The following FSTL4 variants were observed in gnomAD, a reference collection of about 807,000 sequenced individuals.
FSTL4 encodes follistatin-related protein 4.
FSTL4 carries 28 observed loss-of-function variants against 78.2 expected under a neutral mutation model. The observed-to-expected ratio is 0.36, with a 90% CI of 0.27 to 0.49. The LOEUF (loss-of-function observed/expected upper bound fraction) is 0.49, where lower values mean the gene tolerates loss of function less well. Ranked by LOEUF, FSTL4 falls within the 20% of genes least tolerant of loss-of-function variation. The pLI, the probability that FSTL4 is intolerant of heterozygous loss-of-function variation, is 0.98. For synonymous variants in FSTL4, 422 were observed against 440.5 expected, an observed-to-expected ratio of 0.96 and a Z score of 0.53; for missense variants, 922 against 1,084.9, an observed-to-expected ratio of 0.85 and a Z score of 2.11.
intron 14 of FSTL4, among the ~76,000 whole-genome samples, chr5:133,206,539 T>G (rs1750511615): frequency 6.6e-6 from 1 of 151,882 alleles, no homozygotes; most frequent in Admixed American, 6.6e-5. Flanking sequence ...TTTTTGTATT[T>G]TTAGTAGAGA....
At chr5:133,582,866 G>T (rs1399279125) in intron 2 of FSTL4, among the ~76,000 whole-genome samples, 1 of 152,110 alleles carries the variant, frequency 6.6e-6, no homozygotes, top group Non-Finnish European at 1.5e-5. Flanking sequence ...TGCCCTTTGA[G>T]ATGCCCTCCT....
upstream of FSTL4, among the ~76,000 whole-genome samples, chr5:133,613,262 A>ACGG (rs1296952730): frequency 6.6e-6 from 1 of 152,216 alleles, no homozygotes; most frequent in Non-Finnish European, 1.5e-5. Flanking sequence ...TGTAACAACT[A>ACGG]GGGGCCCATA....
chr5:133,652,051 A>T, the FSTL4 span, among the ~76,000 whole-genome samples: 1 of 152,120 alleles, frequency 6.6e-6, no homozygotes, highest in Non-Finnish European at 1.5e-5. Context: ...AGAGTTGTTC[A>T]TAGTATTCCT....
At chr5:133,503,324 G>A (rs564630859) in intron 3 of FSTL4, among the ~76,000 whole-genome samples, 113 of 152,328 alleles carry the variant, frequency 7.4e-4, no homozygotes, top group Non-Finnish European at 1.3e-3. Context: ...ACCTTGATTA[G>A]TAGAATTTGA....
the FSTL4 span, among the ~76,000 whole-genome samples, chr5:133,657,284 G>T: frequency 6.6e-6 from 1 of 152,132 alleles, no homozygotes; most frequent in East Asian, 1.9e-4. Flanking sequence ...CAAGAAGGAT[G>T]GTGGACTTAG....
At chr5:133,410,380 G>T (rs2126979324) in intron 3 of FSTL4, among the ~76,000 whole-genome samples, 1 of 152,286 alleles carries the variant, frequency 6.6e-6, no homozygotes, top group South Asian at 2.1e-4. Context: ...TTGGAGCCAA[G>T]GGGACCAGAT....
intron 8 of FSTL4, among the ~76,000 whole-genome samples, chr5:133,226,436 A>G (rs906036932): frequency 5.9e-5 from 9 of 152,124 alleles, no homozygotes; most frequent in African/African-American, 2.2e-4. Flanking sequence ...TCACCAGACG[A>G]GCATGGGTGG....
the FSTL4 span, among the ~76,000 whole-genome samples, chr5:133,714,706 C>T: frequency 6.6e-6 from 1 of 152,208 alleles, no homozygotes; most frequent in African/African-American, 2.4e-5. Flanking sequence ...CCATATGCCT[C>T]CCCTGCTCTG....
chr5:133,724,280 T>G, the FSTL4 span, among the ~76,000 whole-genome samples: 1 of 152,166 alleles, frequency 6.6e-6, no homozygotes, highest in Non-Finnish European at 1.5e-5. Context: ...TGCTTATCTT[T>G]TCCCTGCAGA....
At chr5:133,778,928 C>T in the FSTL4 span, among the ~76,000 whole-genome samples, 1 of 152,050 alleles carries the variant, frequency 6.6e-6, no homozygotes, top group South Asian at 2.1e-4. Context: ...GCTGGGACAA[C>T]GTACAAAGTG....
intron 8 of FSTL4, among the ~76,000 whole-genome samples, chr5:133,227,532 A>G (rs958938156): frequency 6.6e-6 from 1 of 152,332 alleles, no homozygotes; most frequent in East Asian, 1.9e-4. Flanking sequence ...AGAGAGAACC[A>G]GGAGTACTGG....
chr5:133,396,479 T>G (rs1378361696), intron 4 of FSTL4, among the ~76,000 whole-genome samples: 1 of 152,162 alleles, frequency 6.6e-6, no homozygotes, highest in Non-Finnish European at 1.5e-5. Context: ...TCCAGCAGAG[T>G]TACACTAAAT....
At chr5:133,577,055 T>G (rs6869265) in intron 2 of FSTL4, among the ~76,000 whole-genome samples, 1 of 152,036 alleles carries the variant, frequency 6.6e-6, no homozygotes, top group Non-Finnish European at 1.5e-5. Flanking sequence ...GTGCACACAG[T>G]AAGAGTTTTG....
intron 6 of FSTL4, among the ~76,000 whole-genome samples, chr5:133,308,989 G>C (rs1753716012): frequency 6.6e-6 from 1 of 152,326 alleles, no homozygotes; most frequent in South Asian, 2.1e-4. Flanking sequence ...AAAAGCAGAA[G>C]AAACTTGCAA....
At chr5:133,463,206 T>C (rs77011796) in intron 3 of FSTL4, among the ~76,000 whole-genome samples, 1 of 152,314 alleles carries the variant, frequency 6.6e-6, no homozygotes, top group African/African-American at 2.4e-5. Context: ...CAAATTTTAG[T>C]CAGGCTTTTT....
intron 6 of FSTL4, among the ~76,000 whole-genome samples, chr5:133,274,186 C>T (rs1752827716): frequency 1.3e-5 from 2 of 152,102 alleles, no homozygotes. Context: ...CTGGTGACAG[C>T]AGCCAAAGGT....
intron 3 of FSTL4, among the ~76,000 whole-genome samples, chr5:133,445,001 T>A (rs1303945350): frequency 6.6e-6 from 1 of 152,162 alleles, no homozygotes; most frequent in Non-Finnish European, 1.5e-5. Flanking sequence ...GCCTCCAAGC[T>A]GGGCGCAGAT....
At chr5:133,807,872 G>A in the FSTL4 span, among the ~76,000 whole-genome samples, 3 of 152,206 alleles carry the variant, frequency 2.0e-5, no homozygotes, top group African/African-American at 7.2e-5. Context: ...TTACGATGGT[G>A]CCTTCTGGGA....
At chr5:133,768,565 A>C in the FSTL4 span, among the ~76,000 whole-genome samples, 1 of 152,180 alleles carries the variant, frequency 6.6e-6, no homozygotes, top group Non-Finnish European at 1.5e-5. Flanking sequence ...TTTTCCCTAT[A>C]CTTTGCAGAA....
Sources: allele counts gnomAD v4.1 joint callset (sites outside exome capture counted in the v4.1 genomes callset), GRCh38; gene constraint gnomAD v4.1.1; transcripts MANE v1.5; gene names NCBI Gene and HGNC (gene_info 2026-07-23, HGNC 2026-07-21).